PLCB1: variants seen among roughly 807,000 people sequenced by gnomAD.
The protein encoded by PLCB1 is 1-phosphatidylinositol 4,5-bisphosphate phosphodiesterase beta-1.
PLCB1 carries 46 observed loss-of-function variants against 161.8 expected under a neutral mutation model. The ratio of observed to expected loss-of-function variants is 0.28; its 90% CI spans 0.22 to 0.36. PLCB1 has a LOEUF of 0.36. PLCB1 is among the 10% of genes least tolerant of loss of function. PLCB1 has a pLI of 1.00. For synonymous variants in PLCB1, 517 were observed against 503.7 expected (o/e 1.03, Z -0.35); for missense variants, 1,016 against 1,472.5 (o/e 0.69, Z 5.07).
chr20:8,776,138 C>T lies in PLCB1; in HGVS notation c.3111+1419C>T, dbSNP rs369375274. Among the ~76,000 whole-genome samples, 9 of 152,206 alleles carry T rather than the reference C, an allele frequency of 5.9e-5. No homozygotes were observed. In the East Asian group the frequency reaches 1.2e-3, roughly 20 times the overall value. On this transcript the variant is annotated intron_variant, in intron 27 of 31. Coordinates refer to ENST00000338037, the MANE Select transcript of PLCB1 (RefSeq NM_015192.4). The stretch of plus-strand genomic sequence containing the variant: ...ACATAATAAAAATTAAAATAGTGGC[C>T]GCATATTAAGCATTCACCATGGGGC...
Position 8,882,180 on chromosome 20 carries a change from G to T in PLCB1, c.*331G>T. The T allele has an allele frequency of 4.1e-6, 1 of 245,568 alleles. No homozygotes were observed. The highest frequency in any genetic ancestry group is 7.9e-6 in the Non-Finnish European group (1 of 126,278). 15.2% of individuals were successfully genotyped at this position (245,568 alleles called of 1,614,324 possible). On this transcript the variant is annotated 3_prime_UTR_variant, in exon 32 of 32. Transcript: ENST00000338037. ...GTCTTCTTTGAAGAAAATCAAGCTC[G>T]TGTTTTTATTCGAAGCTCTGGTGTA...
chr20:8,386,179 A>G (rs1987420529), intron 3 of PLCB1, among the ~76,000 whole-genome samples: 1 of 152,178 alleles, frequency 6.6e-6, no homozygotes, highest in Admixed American at 6.5e-5. Flanking sequence ...AATGTTCTTA[A>G]TGGCATCTAG....
intron 3 of PLCB1, among the ~76,000 whole-genome samples, chr20:8,560,620 CA>C (rs1160522642): frequency 1.3e-5 from 2 of 151,926 alleles, no homozygotes; most frequent in Non-Finnish European, 2.9e-5. Context: ...AGGTAACATA[CA>C]ATGAGTGAAG....
At chr20:8,737,236 G>A in intron 20 of PLCB1, 44 bp downstream of exon 20, 1 of 1,466,880 alleles carries the variant, frequency 6.8e-7, no homozygotes, top group Admixed American at 1.8e-5. Context: ...GCATTTTTCA[G>A]GTGTTTTACA....
At chr20:8,668,491 A>G (rs1334562432) in intron 9 of PLCB1, among the ~76,000 whole-genome samples, 5 of 152,206 alleles carry the variant, frequency 3.3e-5, no homozygotes, top group African/African-American at 1.2e-4. Flanking sequence ...CTTCTGAACA[A>G]TGTGGCTATA....
At chr20:8,770,503 A>G (rs1014828) in intron 26 of PLCB1, among the ~76,000 whole-genome samples, 148,331 of 152,314 alleles carry the variant, frequency 0.97, 72,247 homozygotes, top group East Asian at 1. Context: ...GGTTCAGGAC[A>G]TGCGCCTGTG....
At chr20:8,736,218 A>G (rs1203679947) in intron 19 of PLCB1, among the ~76,000 whole-genome samples, 1 of 152,192 alleles carries the variant, frequency 6.6e-6, no homozygotes, top group Non-Finnish European at 1.5e-5. Flanking sequence ...GCCTCCGCTA[A>G]CCTTTATGAC....
chr20:8,593,019 C>T (rs1044672281), intron 3 of PLCB1, among the ~76,000 whole-genome samples: 3 of 151,998 alleles, frequency 2.0e-5, no homozygotes, highest in Admixed American at 1.3e-4. Context: ...TTAAAGCTTC[C>T]AGGATTTTCT....
At chr20:8,638,654 C>A (rs961257847) in intron 4 of PLCB1, among the ~76,000 whole-genome samples, 1 of 152,060 alleles carries the variant, frequency 6.6e-6, no homozygotes, top group Admixed American at 6.6e-5. Context: ...CTTTCCAACC[C>A]CTCTGAACAA....
intron 3 of PLCB1, among the ~76,000 whole-genome samples, chr20:8,493,812 AG>A: frequency 8.8e-6 from 1 of 113,538 alleles, no homozygotes; most frequent in African/African-American, 3.5e-5. Context: ...AACCTCAGGT[AG>A]TAGCCCTTAC....
intron 2 of PLCB1, among the ~76,000 whole-genome samples, chr20:8,229,629 G>A (rs1342021738): frequency 2.0e-5 from 3 of 151,984 alleles, no homozygotes; most frequent in Admixed American, 6.6e-5. Flanking sequence ...TTCCATCATC[G>A]CAGAAAGTTT....
intron 24 of PLCB1, 28 bp from the exon 25 acceptor site, chr20:8,760,379 G>T: frequency 3.5e-6 from 5 of 1,431,760 alleles, no homozygotes; most frequent in Non-Finnish European, 4.9e-6. Context: ...AGTTGAAGAG[G>T]CTATTTATTT....
rs181697185 is a variant in PLCB1 at position 8,759,169 on chromosome 20, G to T, written c.2657-1238G>T. ...TGTTGAACATCCCTCAGTCTGGGTT[G>T]GTCCGATGTTTCCCCATGATTAGGT... On this transcript the variant is annotated intron_variant, in intron 24 of 31. Coordinates refer to ENST00000338037, the MANE Select transcript of PLCB1 (RefSeq NM_015192.4). 2.4e-3 allele frequency among the ~76,000 whole-genome samples: 363 copies of T among 152,232 alleles called. 1 individual carries two copies. The highest frequency in any genetic ancestry group is 8.4e-3 in the African/African-American group (349 of 41,532).
At chr20:8,352,840 G>A (rs188819569) in intron 2 of PLCB1, among the ~76,000 whole-genome samples, 55 of 152,242 alleles carry the variant, frequency 3.6e-4, no homozygotes, top group African/African-American at 1.3e-3. Flanking sequence ...CAAAGGAAAG[G>A]TGCTAGAATG....
chr20:8,784,233 T>C (rs1014801506), intron 27 of PLCB1, among the ~76,000 whole-genome samples: 1 of 152,002 alleles, frequency 6.6e-6, no homozygotes, highest in South Asian at 2.1e-4. Flanking sequence ...GTAAATGCCG[T>C]GTGGGCAGAA....
At chr20:8,803,117 T>A (rs1348143825) in intron 31 of PLCB1, among the ~76,000 whole-genome samples, 2 of 152,210 alleles carry the variant, frequency 1.3e-5, no homozygotes, top group African/African-American at 4.8e-5. Context: ...GTATGAGTTA[T>A]TCCTCTTCCT....
intron 10 of PLCB1, among the ~76,000 whole-genome samples, chr20:8,685,570 C>CAAA (rs72078385): frequency 0.11 from 13,339 of 121,462 alleles, 1,050 homozygotes; most frequent in Non-Finnish European, 0.15. Context: ...ACTAAAAATA[C>CAAA]AAAAAAAAAA....
chr20:8,698,884 C>T (rs1345779265), intron 11 of PLCB1, among the ~76,000 whole-genome samples: 1 of 152,188 alleles, frequency 6.6e-6, no homozygotes, highest in Non-Finnish European at 1.5e-5. Context: ...TGGTCTCTCT[C>T]TTTTTCCACC....
At chr20:8,731,897 C>T (rs1327624572) in intron 18 of PLCB1, among the ~76,000 whole-genome samples, 1 of 151,938 alleles carries the variant, frequency 6.6e-6, no homozygotes, top group Non-Finnish European at 1.5e-5. Flanking sequence ...GAAAATTTCA[C>T]TGATTTTTTT....
Sources: gnomAD v4.1 joint callset for allele counts (sites outside exome capture counted in the v4.1 genomes callset) on GRCh38, gnomAD v4.1.1 for gene constraint, MANE v1.5 for transcripts, NCBI Gene and HGNC (gene_info 2026-07-23, HGNC 2026-07-21) for gene names.